The following PNPT1 variants were observed in gnomAD, a reference collection of about 807,000 sequenced individuals.
PNPT1 encodes the protein polyribonucleotide nucleotidyltransferase 1, mitochondrial.
In PNPT1, 53 loss-of-function variants were observed where a neutral mutation model predicts 119.5. The ratio of observed to expected loss-of-function variants is 0.44; its 90% CI spans 0.36 to 0.56. PNPT1 has a LOEUF of 0.56. PNPT1 is among the 20% of genes least tolerant of loss of function. PNPT1 has a pLI of 0.00. For synonymous variants in PNPT1, 357 were observed against 322.1 expected (o/e 1.11, Z -1.16); for missense variants, 948 against 938.5 (o/e 1.01, Z -0.13).
chr2:55,667,458 G>C (rs1214707342), intron 12 of PNPT1, among the ~76,000 whole-genome samples: 1 of 151,992 alleles, frequency 6.6e-6, no homozygotes, highest in Admixed American at 6.6e-5. Flanking sequence ...GCTGGGCATG[G>C]TGGTGGGCAC....
intron 5 of PNPT1, among the ~76,000 whole-genome samples, chr2:55,681,518 A>G (rs1185021659): frequency 1.3e-5 from 2 of 152,020 alleles, no homozygotes; most frequent in Admixed American, 6.6e-5. Context: ...TGTTGCAAGT[A>G]TTCAGTAAAT....
chr2:55,681,598 A>C (rs1697250877), intron 5 of PNPT1, among the ~76,000 whole-genome samples: 1 of 152,024 alleles, frequency 6.6e-6, no homozygotes, highest in Non-Finnish European at 1.5e-5. Flanking sequence ...TAATCTCAAC[A>C]TTTTGGGAGG....
At chr2:55,659,769 T>C (rs1482345002) in intron 15 of PNPT1, among the ~76,000 whole-genome samples, 2 of 152,122 alleles carry the variant, frequency 1.3e-5, no homozygotes, top group Non-Finnish European at 2.9e-5. Flanking sequence ...TAGCCCCAAA[T>C]TGACCTTAAT....
intron 15 of PNPT1, among the ~76,000 whole-genome samples, chr2:55,659,356 T>C (rs1396619277): frequency 1.3e-5 from 2 of 152,232 alleles, no homozygotes; most frequent in Non-Finnish European, 2.9e-5. Flanking sequence ...CTCAATTATC[T>C]ATAATCATCT....
intron 15 of PNPT1, 109 bp downstream of exon 15, chr2:55,660,048 G>A: frequency 9.2e-7 from 1 of 1,082,100 alleles, no homozygotes; most frequent in Non-Finnish European, 1.3e-6. Context: ...AGGTTGCAGT[G>A]AGCTGAGACT....
In PNPT1 at chr2:55,646,365, G is replaced by A. The variant is rs765161571; in HGVS notation, c.1675-43C>T. 6 of 1,601,076 alleles carry A rather than the reference G, an allele frequency of 3.7e-6. No individual in the cohort carries two copies. In the African/African-American group the frequency reaches 8.1e-5, roughly 21 times the overall value. On this transcript the variant is annotated intron_variant, in intron 20 of 27. Coordinates refer to ENST00000447944, the MANE Select transcript of PNPT1 (RefSeq NM_033109.5). ...AACAATTATATAAATATTGACTCATGGCATTATTTAAATGTTACAAAAATG... is the reference window on the plus strand; with the variant it reads ...AACAATTATATAAATATTGACTCATAGCATTATTTAAATGTTACAAAAATG...
chr2:55,680,821 A>T, intron 6 of PNPT1, 34 bp downstream of exon 6: 1 of 1,611,242 alleles, frequency 6.2e-7, no homozygotes, highest in Non-Finnish European at 8.5e-7. Context: ...AAAATTTTTA[A>T]TCTGATAATT....
intron 25 of PNPT1, among the ~76,000 whole-genome samples, chr2:55,641,193 C>A (rs1208299592): frequency 6.6e-6 from 1 of 152,096 alleles, no homozygotes; most frequent in Non-Finnish European, 1.5e-5. Context: ...CACTACACTC[C>A]AACCTGGCAA....
chr2:55,644,894 C>A, intron 22 of PNPT1, 174 bp from the exon 23 acceptor site: 1 of 449,674 alleles, frequency 2.2e-6, no homozygotes, highest in African/African-American at 2.0e-5. Flanking sequence ...AAGAATATTC[C>A]CTAAAATTTA....
At chr2:55,648,902 T>C (rs561448768) in intron 18 of PNPT1, among the ~76,000 whole-genome samples, 14 of 152,368 alleles carry the variant, frequency 9.2e-5, no homozygotes, top group African/African-American at 3.1e-4. Flanking sequence ...CCATCTTTCA[T>C]TTGTTTAAAA....
Position 55,673,794 on chromosome 2 carries a change from G to A in PNPT1, c.680-715C>T, listed in dbSNP as rs181779507. 1.1e-4 allele frequency among the ~76,000 whole-genome samples: 17 copies of A among 152,132 alleles called. 1 individual carries two copies. Among genetic ancestry groups the A allele is most frequent in the African/African-American group, 4.1e-4 (17 of 41,496 alleles). Reference sequence around the variant, plus strand: ...ATATGTATGTCCTTTTCTGTGAACTGTTTATATTATTTGCCAAAGTGACTT... The same window carrying A: ...ATATGTATGTCCTTTTCTGTGAACTATTTATATTATTTGCCAAAGTGACTT... On this transcript the variant is annotated intron_variant, in intron 8 of 27. Coordinates refer to ENST00000447944, the MANE Select transcript of PNPT1 (RefSeq NM_033109.5).
intron 17 of PNPT1, 71 bp downstream of exon 17, chr2:55,656,060 A>G (rs904689935): frequency 1.3e-6 from 2 of 1,526,912 alleles, no homozygotes; most frequent in African/African-American, 2.8e-5. Flanking sequence ...GTAACATTAC[A>G]TTTGAAAACT....
At chr2:55,663,219 A>G (rs1315549483) in intron 13 of PNPT1, among the ~76,000 whole-genome samples, 3 of 152,184 alleles carry the variant, frequency 2.0e-5, no homozygotes, top group Non-Finnish European at 4.4e-5. Flanking sequence ...AACTATACTC[A>G]AAGGACATAA....
chr2:55,661,091 C>CTTT (rs1171064705), intron 14 of PNPT1, among the ~76,000 whole-genome samples: 52 of 71,618 alleles, frequency 7.3e-4, no homozygotes, highest in Non-Finnish European at 8.7e-4. Flanking sequence ...AATAGAGATT[C>CTTT]TTTTTTTTTT....
At chr2:55,638,836 A>G (rs1695755411) in intron 26 of PNPT1, among the ~76,000 whole-genome samples, 1 of 151,374 alleles carries the variant, frequency 6.6e-6, no homozygotes. Context: ...GTACAGTAGC[A>G]TGATATCCGC....
In PNPT1 at chr2:55,683,612, C is replaced by CA. The variant is rs397943177; in HGVS notation, c.453+172dup. Among the ~76,000 whole-genome samples the CA allele has an allele frequency of 0.28, 20,742 of 73,802 alleles. 2,334 individuals carry two copies. Among genetic ancestry groups the CA allele is most frequent in the South Asian group, 0.39 (898 of 2,278 alleles). The allele number at this position is 73,802 out of a possible 152,430, so 48.4% of individuals were successfully genotyped here. On this transcript the variant is annotated intron_variant, in intron 5 of 27. Coordinates refer to ENST00000447944, the MANE Select transcript of PNPT1 (RefSeq NM_033109.5). The stretch of plus-strand genomic sequence containing the variant: ...TGGGCGACAAAGTGAGACTCTGTCT[C>CA]AAAAAAAAAAAAAAAAAAAGTACTA...
intron 18 of PNPT1, 84 bp downstream of exon 18, chr2:55,654,816 G>T: frequency 7.8e-7 from 1 of 1,276,072 alleles, no homozygotes; most frequent in Non-Finnish European, 1.1e-6. Context: ...CCTCAAGTGA[G>T]CCTCCTGCCT....
At chr2:55,661,886 T>C (rs1344212589) in intron 14 of PNPT1, 70 bp downstream of exon 14, 12 of 1,317,180 alleles carry the variant, frequency 9.1e-6, no homozygotes, top group Admixed American at 3.3e-5. Context: ...ATTAATAATA[T>C]ACCACATAAG....
intron 21 of PNPT1, among the ~76,000 whole-genome samples, chr2:55,645,924 C>T (rs1372684139): frequency 6.6e-6 from 1 of 152,028 alleles, no homozygotes; most frequent in Admixed American, 6.5e-5. Flanking sequence ...GCCTCCTGGG[C>T]TCAAGCGATT....
Sources: allele counts gnomAD v4.1 joint callset (sites outside exome capture counted in the v4.1 genomes callset), GRCh38; gene constraint gnomAD v4.1.1; transcripts MANE v1.5; gene names NCBI Gene and HGNC (gene_info 2026-07-23, HGNC 2026-07-21).